Variants in DCUN1D1 observed in about 807,000 individuals in gnomAD.
The protein encoded by DCUN1D1 is DCN1-like protein 1.
A neutral mutation model predicts 39.0 loss-of-function variants in DCUN1D1; 3 were observed. The observed-to-expected ratio is 0.08, with a 90% confidence interval of 0.04 to 0.20. The LOEUF (loss-of-function observed/expected upper bound fraction) is 0.20, where lower values mean the gene tolerates loss of function less well. DCUN1D1 is among the 10% of genes least tolerant of loss of function. DCUN1D1 has a pLI of 1.00. For synonymous variants in DCUN1D1, 82 were observed against 96.3 expected (o/e 0.85, Z 0.87); for missense variants, 158 against 302.4 (o/e 0.52, Z 3.54).
Position 182,939,066 on chromosome 3 carries a change from A to C in DCUN1D1, c.*6028T>G, listed in dbSNP as rs757431691. Reference sequence around the variant, plus strand: ...ACCTCCAAGAGAGTACATGTCTACTAGAGTAACTAATTTTACAGCAATCGC... The same window carrying C: ...ACCTCCAAGAGAGTACATGTCTACTCGAGTAACTAATTTTACAGCAATCGC... On this transcript the variant is annotated 3_prime_UTR_variant, in exon 7 of 7. Coordinates refer to ENST00000292782, the MANE Select transcript of DCUN1D1 (RefSeq NM_020640.4). 1 of 152,244 alleles carries C rather than the reference A, an allele frequency of 6.6e-6. No homozygotes were observed. The highest frequency in any genetic ancestry group is 1.5e-5 in the Non-Finnish European group (1 of 68,052). The allele number at this position is 152,244 out of a possible 1,614,324, so 9.4% of individuals were successfully genotyped here.
At chr3:182,967,331 G>A (rs764200832) in intron 1 of DCUN1D1, among the ~76,000 whole-genome samples, 4 of 151,812 alleles carry the variant, frequency 2.6e-5, no homozygotes, top group Non-Finnish European at 4.4e-5. Flanking sequence ...AATGAGACAA[G>A]AACAAAGAGG....
chr3:182,957,488 A>G (rs1727134223), intron 4 of DCUN1D1, among the ~76,000 whole-genome samples: 1 of 152,044 alleles, frequency 6.6e-6, no homozygotes, highest in African/African-American at 2.4e-5. Flanking sequence ...TTAGCCAGGC[A>G]TGGTGGCACA....
rs1386419802 is a variant in DCUN1D1 at position 182,965,609 on chromosome 3, G to C, written c.148C>G (p.Leu50Val). The C allele has an allele frequency of 6.2e-7, 1 of 1,613,708 alleles. No individual in the cohort carries two copies. Among genetic ancestry groups the C allele is most frequent in the Admixed American group, 1.7e-5 (1 of 60,020 alleles). ...CCTTTTACACTCTCTCGTATATAAA[G>C]TTCAGGATTTTGGAAAAAATTATCT... ...ATDNFFQNPE[L>V]YIRESVKGSL... is the part of the protein sequence containing the mutation. Residue 50 changes from leucine (L) to valine (V), a missense_variant, in exon 2 of 7, where the codon CTT becomes GTT. Leu to Val is a conservative substitution (Grantham distance 32, BLOSUM62 1). Coordinates refer to ENST00000292782, the MANE Select transcript of DCUN1D1 (RefSeq NM_020640.4).
At chr3:182,983,265 T>C (rs1728618239), upstream of DCUN1D1, among the ~76,000 whole-genome samples, 1 of 152,216 alleles carries the variant, frequency 6.6e-6, no homozygotes, top group Admixed American at 6.5e-5. Context: ...TAGCTAATAC[T>C]GACTGAGCCC....
chr3:182,968,765 GATTTTTGT>G (rs1336378351), intron 1 of DCUN1D1, among the ~76,000 whole-genome samples: 1 of 151,922 alleles, frequency 6.6e-6, no homozygotes, highest in African/African-American at 2.4e-5. Context: ...GCGCCCAGCT[GATTTTTGT>G]ATTTTTAGTA....
Position 182,980,518 on chromosome 3 carries a change from T to C in DCUN1D1, c.-29A>G. On this transcript the variant is annotated 5_prime_UTR_variant, in exon 1 of 7. Transcript: ENST00000292782. Reference sequence around the variant, plus strand: ...GGTGTCCTCCAGGCCTCTCCCCTCCTCCTCCGGCTCCGCAGCGAATGGACG... The same window carrying C: ...GGTGTCCTCCAGGCCTCTCCCCTCCCCCTCCGGCTCCGCAGCGAATGGACG... 8.1e-7 allele frequency: 1 copy of C among 1,234,976 alleles called. No individual in the cohort carries two copies. The highest frequency in any genetic ancestry group is 1.0e-6 in the Non-Finnish European group (1 of 970,280). 76.5% of individuals were successfully genotyped at this position (1,234,976 alleles called of 1,614,324 possible). A position where few individuals can be genotyped will look rare whatever the true frequency, so the allele number is the denominator to read the frequency against.
intron 1 of DCUN1D1, 136 bp downstream of exon 1, chr3:182,980,351 C>T: frequency 1.6e-6 from 1 of 615,422 alleles, no homozygotes; most frequent in Non-Finnish European, 2.0e-6. Context: ...GAGCCCCCGC[C>T]TGGGAGCGGG....
At chr3:182,973,561 C>T (rs138563676) in intron 1 of DCUN1D1, among the ~76,000 whole-genome samples, 3 of 152,334 alleles carry the variant, frequency 2.0e-5, no homozygotes, top group African/African-American at 7.2e-5. Context: ...ATAATCCCAG[C>T]ACTTTGGGAG....
At chr3:182,959,370 C>T (rs1041290326) in intron 4 of DCUN1D1, among the ~76,000 whole-genome samples, 2 of 151,958 alleles carry the variant, frequency 1.3e-5, no homozygotes, top group Non-Finnish European at 2.9e-5. Flanking sequence ...TCTACCTTTC[C>T]GTCACTTCCT....
intron 1 of DCUN1D1, among the ~76,000 whole-genome samples, chr3:182,968,136 C>A (rs905525907): frequency 6.6e-6 from 1 of 152,082 alleles, no homozygotes; most frequent in Non-Finnish European, 1.5e-5. Context: ...CTCAAACGCC[C>A]GGGCTCAAGC....
chr3:182,961,060 T>C (rs889799297), intron 4 of DCUN1D1, among the ~76,000 whole-genome samples, 166 bp downstream of exon 4: 2 of 152,218 alleles, frequency 1.3e-5, no homozygotes, highest in Admixed American at 6.5e-5. Flanking sequence ...TTACTCAATG[T>C]GCATGGTATT....
intron 1 of DCUN1D1, among the ~76,000 whole-genome samples, chr3:182,977,137 G>A (rs1728275194): frequency 6.6e-6 from 1 of 152,132 alleles, no homozygotes; most frequent in Admixed American, 6.6e-5. Context: ...TAATTTTCTG[G>A]ATTTCATATG....
chr3:182,945,218 G>A, intron 6 of DCUN1D1, 45 bp from the exon 7 acceptor site: 1 of 1,449,862 alleles, frequency 6.9e-7, no homozygotes, highest in Non-Finnish European at 9.5e-7. Flanking sequence ...GGGGAAAAAA[G>A]CAGAAATAAG....
upstream of DCUN1D1, chr3:182,980,550 G>A (rs1473037474): frequency 8.3e-7 from 1 of 1,208,096 alleles, no homozygotes. Context: ...GACGGCGGCG[G>A]CGGCGGCGGC....
chr3:182,949,550 T>C (rs1726599436), intron 4 of DCUN1D1, among the ~76,000 whole-genome samples: 1 of 151,970 alleles, frequency 6.6e-6, no homozygotes. Context: ...CAAGACCCCA[T>C]CTCTAGAAAA....
chr3:182,985,047 T>C (rs1393730801), upstream of DCUN1D1, among the ~76,000 whole-genome samples: 2 of 152,226 alleles, frequency 1.3e-5, no homozygotes, highest in African/African-American at 4.8e-5. Flanking sequence ...TAAGGGTAAA[T>C]GCGATTGACT....
At chr3:182,946,044 A>C (rs1447357345) in intron 6 of DCUN1D1, among the ~76,000 whole-genome samples, 1 of 152,142 alleles carries the variant, frequency 6.6e-6, no homozygotes, top group Non-Finnish European at 1.5e-5. Flanking sequence ...TTTTTCAAAA[A>C]ATATCTCCAT....
chr3:182,965,046 T>C (rs1040127025), intron 2 of DCUN1D1, among the ~76,000 whole-genome samples: 8 of 152,186 alleles, frequency 5.3e-5, no homozygotes, highest in African/African-American at 1.4e-4. Context: ...TATCCCATTT[T>C]CAGAAAAACT....
At chr3:182,980,543 G>T, upstream of DCUN1D1, 1 of 1,190,128 alleles carries the variant, frequency 8.4e-7, no homozygotes. Context: ...GCGAATGGAC[G>T]GCGGCGGCGG....
Sources: allele counts gnomAD v4.1 joint callset (sites outside exome capture counted in the v4.1 genomes callset), GRCh38; gene constraint gnomAD v4.1.1; transcripts MANE v1.5; gene names NCBI Gene and HGNC (gene_info 2026-07-23, HGNC 2026-07-21).